The following IMPG2 variants were observed in gnomAD, a reference collection of about 807,000 sequenced individuals.
IMPG2 encodes IPM 200.
A neutral mutation model predicts 129.2 loss-of-function variants in IMPG2; 91 were observed. The observed-to-expected ratio is 0.70, with a 90% confidence interval of 0.59 to 0.84. The LOEUF (loss-of-function observed/expected upper bound fraction) is 0.84, where lower values mean the gene tolerates loss of function less well. IMPG2 is among the 40% of genes least tolerant of loss of function. The probability of loss-of-function intolerance (pLI) is 0.00; values close to 1 mark genes in which losing one functional copy is unlikely to be tolerated. For missense variants in IMPG2, 1,430 were observed against 1,461.7 expected (o/e 0.98, Z 0.35); for synonymous variants, 510 against 517.7 (o/e 0.99, Z 0.20).
At chr3:101,237,039 G>T (rs527331613) in intron 14 of IMPG2, among the ~76,000 whole-genome samples, 1 of 152,152 alleles carries the variant, frequency 6.6e-6, no homozygotes, top group Non-Finnish European at 1.5e-5. Flanking sequence ...AGAGAGGGGC[G>T]TCCACCATTA....
intron 2 of IMPG2, among the ~76,000 whole-genome samples, chr3:101,308,764 T>C (rs1707231791): frequency 6.6e-6 from 1 of 152,248 alleles, no homozygotes; most frequent in Non-Finnish European, 1.5e-5. Context: ...AGAAAATGGG[T>C]TTTCTTTTCT....
At chr3:101,283,375 T>C (rs1273065487) in intron 4 of IMPG2, among the ~76,000 whole-genome samples, 2 of 152,186 alleles carry the variant, frequency 1.3e-5, no homozygotes, top group Non-Finnish European at 2.9e-5. Context: ...TTTTGGGTAT[T>C]GTGCCCCAAC....
At chr3:101,272,419 A>G (rs1046765549) in intron 7 of IMPG2, among the ~76,000 whole-genome samples, 1 of 152,142 alleles carries the variant, frequency 6.6e-6, no homozygotes, top group African/African-American at 2.4e-5. Flanking sequence ...CAGAACCTTC[A>G]ACACCCTCTA....
At position 101,243,896 on chromosome 3, in the gene IMPG2, A is replaced by G. The variant is rs148969606; in HGVS notation, c.2435T>C (p.Val812Ala). Reference protein sequence around the residue: ...PQSADRLWLSVTQSTKLPPTT... With the variant: ...PQSADRLWLSATQSTKLPPTT... ...TGGAGGCAATTTGGTAGACTGTGTC[A>G]CAGATAACCAGAGCCTGTCAGCACT... is the stretch of plus-strand genomic sequence containing the variant. Residue 812 changes from valine to alanine, a missense_variant, in exon 13 of 19, where the codon GTG becomes GCG. By Grantham distance (64) the Val-to-Ala change is moderately conservative. Coordinates refer to ENST00000193391, the MANE Select transcript of IMPG2 (RefSeq NM_016247.4). The G allele has an allele frequency of 2.5e-6, 4 of 1,614,096 alleles. No homozygotes were observed. The African/African-American group carries it at 5.3e-5, about 22-fold the overall frequency.
At chr3:101,290,206 G>A (rs565701033) in intron 4 of IMPG2, among the ~76,000 whole-genome samples, 1 of 152,096 alleles carries the variant, frequency 6.6e-6, no homozygotes, top group Non-Finnish European at 1.5e-5. Context: ...TCTCTGTGGT[G>A]AAGAAACCAC....
chr3:101,257,408 G>T, intron 10 of IMPG2, 121 bp downstream of exon 10: 1 of 1,172,174 alleles, frequency 8.5e-7, no homozygotes, highest in Non-Finnish European at 1.2e-6. Flanking sequence ...TATCAGGTTG[G>T]CTCCTGTCTC....
rs767945502 is a variant in IMPG2 at position 101,229,467 on chromosome 3, G to A, written c.3546C>T (p.Phe1182=). The change falls in exon 17 of 19, where the codon TTC becomes TTT. Residue 1182 remains phenylalanine, a synonymous_variant. Coordinates refer to ENST00000193391, the MANE Select transcript of IMPG2 (RefSeq NM_016247.4). The part of the protein sequence containing the change: ...KYEGPYPQHP[F]YSSASGDVIG... The stretch of plus-strand genomic sequence containing the variant: ...TCACGTCTCCGCTAGCAGAGCTGTA[G>A]AAGGGATGCTGAGGATAGGGTCCCT... The A allele has an allele frequency of 1.1e-5, 18 of 1,613,306 alleles. No individual in the cohort carries two copies. The highest frequency in any genetic ancestry group is 3.4e-6 in the Non-Finnish European group (4 of 1,180,024).
intron 2 of IMPG2, among the ~76,000 whole-genome samples, chr3:101,314,990 T>G (rs1339275641): frequency 1.3e-5 from 2 of 151,998 alleles, no homozygotes; most frequent in Admixed American, 1.3e-4. Context: ...TAGACAAGAG[T>G]ACCCAAGGGA....
intron 11 of IMPG2, among the ~76,000 whole-genome samples, chr3:101,248,834 T>C (rs1231587332): frequency 6.6e-6 from 1 of 152,180 alleles, no homozygotes; most frequent in Non-Finnish European, 1.5e-5. Context: ...CCATGCTGAT[T>C]ATTCTGTATT....
intron 18 of IMPG2, among the ~76,000 whole-genome samples, chr3:101,228,102 G>A (rs562031344): frequency 1.4e-4 from 22 of 152,242 alleles, no homozygotes; most frequent in Non-Finnish European, 2.5e-4. Context: ...CTCAGCTAAC[G>A]CCCATTATGG....
At chr3:101,278,110 C>T (rs1165746419) in intron 4 of IMPG2, among the ~76,000 whole-genome samples, 2 of 152,168 alleles carry the variant, frequency 1.3e-5, no homozygotes, top group African/African-American at 4.8e-5. Flanking sequence ...TGGCACATGC[C>T]TGTAATCCCA....
In IMPG2 at chr3:101,232,794, C is replaced by T. The variant is rs372888521; in HGVS notation, c.3220G>A (p.Gly1074Arg). Residue 1074 changes from glycine (G) to arginine (R), a missense_variant, in exon 15 of 19, where the codon GGG becomes AGG. By Grantham distance (125) the Gly-to-Arg change is moderately radical (BLOSUM62 -2). Coordinates refer to ENST00000193391, the MANE Select transcript of IMPG2 (RefSeq NM_016247.4). ...ACTACAACATACCTACAAATGGCCC[C>T]GTGCCCAGGCATAATGTCACACTTT... is the stretch of plus-strand genomic sequence containing the variant. The part of the protein sequence containing the change: ...DGKCDIMPGH[G>R]AICRCRVGEN... 10 of 1,613,438 alleles carry T rather than the reference C, an allele frequency of 6.2e-6. No homozygotes were observed. Among genetic ancestry groups the T allele is most frequent in the East Asian group, 2.2e-5 (1 of 44,812 alleles).
chr3:101,228,145 T>C (rs1706243800), intron 18 of IMPG2, among the ~76,000 whole-genome samples: 1 of 152,214 alleles, frequency 6.6e-6, no homozygotes, highest in African/African-American at 2.4e-5. Context: ...TTGTAACCTA[T>C]GTCTAGTTAT....
intron 4 of IMPG2, among the ~76,000 whole-genome samples, chr3:101,277,557 TGA>T (rs1457712110): frequency 6.6e-6 from 1 of 152,230 alleles, no homozygotes; most frequent in Non-Finnish European, 1.5e-5. Context: ...TGATCTCATC[TGA>T]GAGATCATTG....
At chr3:101,231,223 G>T in intron 15 of IMPG2, 78 bp from the exon 16 acceptor site, 2 of 1,350,574 alleles carry the variant, frequency 1.5e-6, no homozygotes, top group South Asian at 1.2e-5. Flanking sequence ...CCTTCTGAGG[G>T]ACTAGAGGAA....
At chr3:101,247,199 A>G (rs1706489425) in intron 11 of IMPG2, among the ~76,000 whole-genome samples, 1 of 152,230 alleles carries the variant, frequency 6.6e-6, no homozygotes, top group South Asian at 2.1e-4. Flanking sequence ...CTGAATAACA[A>G]AGATAGATAA....
chr3:101,278,604 CA>C (rs1706862040), intron 4 of IMPG2, among the ~76,000 whole-genome samples: 1 of 151,548 alleles, frequency 6.6e-6, no homozygotes, highest in South Asian at 2.1e-4. Flanking sequence ...TATGATAATT[CA>C]AAGACATTTT....
intron 14 of IMPG2, among the ~76,000 whole-genome samples, chr3:101,240,741 A>AAGTGGTAAGAGATTTGGATATGAAGGATT (rs1481872186): frequency 2.6e-5 from 4 of 152,232 alleles, no homozygotes; most frequent in Non-Finnish European, 4.4e-5. Context: ...TAGAGAACTC[A>AAGTGGTAAGAGATTTGGATATGAAGGATT]AGTGGTAAGA....
rs930290743 is a variant in IMPG2 at position 101,309,574 on chromosome 3, C to T, written c.335-5262G>A. ...GAGAACTTGCTCACTATCATAAGAA[C>T]AGCATGGGGGAACCACCCCCCATGA... On this transcript the variant is annotated intron_variant, in intron 2 of 18. Transcript: ENST00000193391. 2.6e-5 allele frequency among the ~76,000 whole-genome samples: 4 copies of T among 152,090 alleles called. No homozygotes were observed. In the East Asian group the frequency reaches 7.7e-4, roughly 29 times the overall value.
Sources: gnomAD v4.1 joint callset for allele counts (sites outside exome capture counted in the v4.1 genomes callset) on GRCh38, gnomAD v4.1.1 for gene constraint, MANE v1.5 for transcripts, NCBI Gene and HGNC (gene_info 2026-07-23, HGNC 2026-07-21) for gene names.